Variants in KIAA1217 observed in about 807,000 individuals in gnomAD.
The protein encoded by KIAA1217 is KIAA1217, also known as sickle tail protein homolog.
In KIAA1217, 88 loss-of-function variants were observed where a neutral mutation model predicts 163.9. The ratio of observed to expected loss-of-function variants is 0.54; its 90% CI spans 0.45 to 0.64. The LOEUF is 0.64. KIAA1217 is among the 30% of genes least tolerant of loss of function. The pLI is 0.00. For missense variants in KIAA1217, 2,372 were observed against 2,475.0 expected (o/e 0.96, Z 0.88); for synonymous variants, 903 against 923.1 (o/e 0.98, Z 0.39).
At chr10:24,288,783 A>G (rs1040963044) in intron 2 of KIAA1217, among the ~76,000 whole-genome samples, 3 of 152,204 alleles carry the variant, frequency 2.0e-5, no homozygotes, top group Non-Finnish European at 4.4e-5. Context: ...TGTAGGGGAC[A>G]TGCTTGGACA....
chr10:24,078,691 G>T (rs1178345381), intron 2 of KIAA1217, among the ~76,000 whole-genome samples: 1 of 152,140 alleles, frequency 6.6e-6, no homozygotes, highest in African/African-American at 2.4e-5. Context: ...GTGATCTGGT[G>T]CTGAGGCATT....
intron 3 of KIAA1217, among the ~76,000 whole-genome samples, chr10:24,388,242 A>G (rs898433243): frequency 3.3e-5 from 5 of 152,194 alleles, no homozygotes; most frequent in African/African-American, 1.2e-4. Context: ...GCCCTCAGAA[A>G]TAATACCACA....
chr10:24,007,891 G>C (rs952259400), intron 2 of KIAA1217, among the ~76,000 whole-genome samples: 1 of 152,110 alleles, frequency 6.6e-6, no homozygotes, highest in Non-Finnish European at 1.5e-5. Context: ...TAATTTTCCA[G>C]TTTCATTGAG....
At chr10:24,098,596 C>A (rs1024246678) in intron 2 of KIAA1217, among the ~76,000 whole-genome samples, 3 of 152,040 alleles carry the variant, frequency 2.0e-5, no homozygotes, top group South Asian at 4.1e-4. Flanking sequence ...AGGGACTAGA[C>A]AAATTTCTCT....
intron 1 of KIAA1217, among the ~76,000 whole-genome samples, chr10:23,753,979 C>T (rs192832595): frequency 4.3e-4 from 66 of 152,272 alleles, no homozygotes; most frequent in African/African-American, 1.5e-3. Context: ...TTTATGGATT[C>T]TCCCTTAACT....
At chr10:24,263,596 TTA>T (rs1357155039) in intron 2 of KIAA1217, among the ~76,000 whole-genome samples, 1 of 152,170 alleles carries the variant, frequency 6.6e-6, no homozygotes, top group Non-Finnish European at 1.5e-5. Context: ...CAAAGGTATA[TTA>T]TCTGTCTCCC....
At chr10:23,768,031 A>G (rs1834620232) in intron 1 of KIAA1217, among the ~76,000 whole-genome samples, 1 of 152,218 alleles carries the variant, frequency 6.6e-6, no homozygotes, top group African/African-American at 2.4e-5. Context: ...TATCTGGAAG[A>G]GCAAGACCTG....
chr10:23,927,944 A>G (rs914635587), intron 1 of KIAA1217, among the ~76,000 whole-genome samples: 1 of 152,222 alleles, frequency 6.6e-6, no homozygotes, highest in African/African-American at 2.4e-5. Flanking sequence ...GCCTAATTCA[A>G]TCACTGAAGG....
intron 1 of KIAA1217, among the ~76,000 whole-genome samples, chr10:23,984,837 G>T (rs995436521): frequency 6.6e-6 from 1 of 151,830 alleles, no homozygotes; most frequent in Non-Finnish European, 1.5e-5. Flanking sequence ...GAGATGATGG[G>T]TTGATGGGTG....
rs114402978 is a variant in KIAA1217 at position 24,435,840 on chromosome 10, G to A, written c.753-2546G>A. 4.7e-3 allele frequency among the ~76,000 whole-genome samples: 713 copies of A among 152,036 alleles called. 9 individuals carry two copies. The highest frequency in any genetic ancestry group is 0.015 in the African/African-American group (609 of 41,484). ...GTGAAAATGATGATCTTGTTGATCC[G>A]TAAGTTGTAGTATGGATAGCCTAAC... is the stretch of plus-strand genomic sequence containing the variant. On this transcript the variant is annotated intron_variant, in intron 4 of 20. Transcript: ENST00000376454.
At chr10:24,361,528 G>A (rs960255952) in intron 2 of KIAA1217, among the ~76,000 whole-genome samples, 2 of 152,098 alleles carry the variant, frequency 1.3e-5, no homozygotes, top group African/African-American at 2.4e-5. Flanking sequence ...AATTATATGT[G>A]TGAACTTCTT....
chr10:23,936,018 G>A (rs985777831), intron 1 of KIAA1217, among the ~76,000 whole-genome samples: 1 of 152,172 alleles, frequency 6.6e-6, no homozygotes, highest in African/African-American at 2.4e-5. Context: ...CCCAATCCCT[G>A]TCCAAATGGC....
chr10:24,202,570 G>A (rs1171714250), intron 2 of KIAA1217, among the ~76,000 whole-genome samples: 1 of 152,162 alleles, frequency 6.6e-6, no homozygotes, highest in East Asian at 1.9e-4. Flanking sequence ...TTGCCCAAAG[G>A]CTGTGCTCTG....
At chr10:23,716,618 C>T (rs969011392) in intron 1 of KIAA1217, among the ~76,000 whole-genome samples, 4 of 152,278 alleles carry the variant, frequency 2.6e-5, no homozygotes, top group East Asian at 1.9e-4. Context: ...CCCTTCCCCA[C>T]CTCCAGCCTG....
At chr10:24,431,185 G>C (rs2059577905) in intron 3 of KIAA1217, among the ~76,000 whole-genome samples, 1 of 152,172 alleles carries the variant, frequency 6.6e-6, no homozygotes, top group Non-Finnish European at 1.5e-5. Context: ...AGGAAGCAGA[G>C]ACAAATGTAT....
At chr10:24,408,833 T>C (rs963168532) in intron 3 of KIAA1217, among the ~76,000 whole-genome samples, 1 of 152,204 alleles carries the variant, frequency 6.6e-6, no homozygotes, top group African/African-American at 2.4e-5. Context: ...ACCTGCCTTA[T>C]TTCCCTATAG....
intron 1 of KIAA1217, among the ~76,000 whole-genome samples, chr10:23,720,181 G>A (rs529533644): frequency 1.6e-4 from 25 of 151,996 alleles, no homozygotes; most frequent in Non-Finnish European, 2.8e-4. Flanking sequence ...TTTATGTTAC[G>A]TGGTTTCCAC....
chr10:24,002,098 T>G (rs181523476), intron 1 of KIAA1217, among the ~76,000 whole-genome samples: 287 of 152,290 alleles, frequency 1.9e-3, no homozygotes, highest in African/African-American at 6.5e-3. Context: ...TGATGCCGAC[T>G]GTGGTAAACA....
chr10:23,958,107 T>C (rs1047007505), intron 1 of KIAA1217, among the ~76,000 whole-genome samples: 2 of 152,318 alleles, frequency 1.3e-5, no homozygotes, highest in Non-Finnish European at 2.9e-5. Context: ...GTGGGACTGA[T>C]GAAATCTCCA....
Sources: gnomAD v4.1 joint callset for allele counts (sites outside exome capture counted in the v4.1 genomes callset) on GRCh38, gnomAD v4.1.1 for gene constraint, MANE v1.5 for transcripts, NCBI Gene and HGNC (gene_info 2026-07-23, HGNC 2026-07-21) for gene names.